CDC42SE2: variants seen among roughly 807,000 people sequenced by gnomAD.
CDC42SE2 encodes CDC42 small effector 2.
In CDC42SE2, 3 loss-of-function variants were observed where a neutral mutation model predicts 11.5. That is an observed-to-expected ratio of 0.26 (90% CI 0.12 to 0.67). The LOEUF (loss-of-function observed/expected upper bound fraction) is 0.67, where lower values mean the gene tolerates loss of function less well. Ranked by LOEUF, CDC42SE2 falls within the 30% of genes least tolerant of loss-of-function variation. CDC42SE2 has a pLI of 0.80. For missense variants in CDC42SE2, 82 were observed against 106.8 expected, an observed-to-expected ratio of 0.77 and a Z score of 1.02; for synonymous variants, 33 against 34.8, an observed-to-expected ratio of 0.95 and a Z score of 0.18.
chr5:131,318,139 A>G (rs1213423526), intron 2 of CDC42SE2, among the ~76,000 whole-genome samples: 1 of 151,908 alleles, frequency 6.6e-6, no homozygotes, highest in African/African-American at 2.4e-5. Flanking sequence ...GGGTTTCACC[A>G]TGTTGTCCAG....
At chr5:131,270,009 TG>T (rs921817408) in intron 1 of CDC42SE2, among the ~76,000 whole-genome samples, 3 of 151,602 alleles carry the variant, frequency 2.0e-5, no homozygotes, top group African/African-American at 7.3e-5. Flanking sequence ...TGCAGTGAGC[TG>T]GGATGGCACC....
chr5:131,300,879 A>T (rs556990474), intron 1 of CDC42SE2, among the ~76,000 whole-genome samples: 1 of 152,332 alleles, frequency 6.6e-6, no homozygotes, highest in Admixed American at 6.5e-5. Context: ...TAATGTGCAT[A>T]TTGCATAATA....
chr5:131,263,073 T>C (rs1165468683), upstream of CDC42SE2, among the ~76,000 whole-genome samples: 1 of 151,128 alleles, frequency 6.6e-6, no homozygotes, highest in African/African-American at 2.4e-5. Flanking sequence ...CCTGGAACTA[T>C]AGGTACACGC....
rs1750785938 is a variant in CDC42SE2 at position 131,394,314 on chromosome 5, G to A, written c.*3223G>A. On this transcript the variant is annotated 3_prime_UTR_variant, in exon 5 of 5. Transcript: ENST00000505065. Reference sequence around the variant, plus strand: ...TGTAAAAGAGGTACTTTCCCATGATGTAGGCATGAAGTGGTGCCAGTAAGC... The same window carrying A: ...TGTAAAAGAGGTACTTTCCCATGATATAGGCATGAAGTGGTGCCAGTAAGC... The A allele has an allele frequency of 6.6e-6, 1 of 152,332 alleles. No homozygotes were observed. Among genetic ancestry groups the A allele is most frequent in the Non-Finnish European group, 1.5e-5 (1 of 68,032 alleles). 9.4% of individuals were successfully genotyped at this position (152,332 alleles called of 1,614,324 possible).
intron 1 of CDC42SE2, among the ~76,000 whole-genome samples, chr5:131,287,135 T>C (rs1192826061): frequency 6.6e-6 from 1 of 152,050 alleles, no homozygotes; most frequent in Admixed American, 6.6e-5. Flanking sequence ...GCTGGGATTA[T>C]AGGGGCCCGC....
chr5:131,350,075 T>C (rs1357559849), intron 2 of CDC42SE2, among the ~76,000 whole-genome samples: 1 of 152,088 alleles, frequency 6.6e-6, no homozygotes, highest in Non-Finnish European at 1.5e-5. Context: ...AAAGTAGATA[T>C]ATTTAAAAAA....
At chr5:131,310,287 T>C (rs1757875786) in intron 1 of CDC42SE2, among the ~76,000 whole-genome samples, 1 of 151,926 alleles carries the variant, frequency 6.6e-6, no homozygotes, top group Admixed American at 6.6e-5. Context: ...TGAGTTCTAG[T>C]TTGATTGCAC....
intron 2 of CDC42SE2, among the ~76,000 whole-genome samples, chr5:131,356,746 A>T (rs1000138463): frequency 4.6e-5 from 7 of 152,122 alleles, no homozygotes; most frequent in African/African-American, 1.7e-4. Flanking sequence ...CTGTCTCTAC[A>T]CAAAATAAAA....
At chr5:131,245,350 AC>A (rs1463519600), upstream of CDC42SE2, 2 of 152,256 alleles carry the variant, frequency 1.3e-5, no homozygotes, top group East Asian at 3.9e-4. Flanking sequence ...ATTCAATGTA[AC>A]CCTTGTTGGT....
chr5:131,299,756 G>A (rs1411648281), intron 1 of CDC42SE2, among the ~76,000 whole-genome samples: 3 of 152,182 alleles, frequency 2.0e-5, no homozygotes, highest in Non-Finnish European at 2.9e-5. Context: ...ACTCAGGGGA[G>A]TGATTGAAAT....
chr5:131,283,040 G>A (rs1389885742), intron 1 of CDC42SE2, among the ~76,000 whole-genome samples: 1 of 151,196 alleles, frequency 6.6e-6, no homozygotes, highest in Non-Finnish European at 1.5e-5. Context: ...CGATTCTCCT[G>A]CCTCAGCCTC....
intron 2 of CDC42SE2, among the ~76,000 whole-genome samples, chr5:131,348,329 C>T (rs915061178): frequency 1.3e-5 from 2 of 152,180 alleles, no homozygotes; most frequent in African/African-American, 2.4e-5. Flanking sequence ...GCAAAAATCA[C>T]AAGCATTCTT....
the CDC42SE2 span, among the ~76,000 whole-genome samples, chr5:131,238,458 G>A: frequency 6.8e-6 from 1 of 148,068 alleles, no homozygotes; most frequent in Admixed American, 6.8e-5. Flanking sequence ...AGCCAAGATC[G>A]TGCCACTGCA....
chr5:131,381,317 T>C (rs1263464155), intron 3 of CDC42SE2, among the ~76,000 whole-genome samples: 1 of 115,510 alleles, frequency 8.7e-6, no homozygotes, highest in Non-Finnish European at 1.6e-5. Flanking sequence ...GTGCTGTTTT[T>C]TTTTGTTTTT....
At chr5:131,279,992 A>G (rs1433192172) in intron 1 of CDC42SE2, among the ~76,000 whole-genome samples, 2 of 152,176 alleles carry the variant, frequency 1.3e-5, no homozygotes, top group African/African-American at 4.8e-5. Flanking sequence ...GCTTGAGCCT[A>G]GGATGTCAAG....
At chr5:131,297,879 A>C (rs1023530597) in intron 1 of CDC42SE2, among the ~76,000 whole-genome samples, 2 of 152,102 alleles carry the variant, frequency 1.3e-5, no homozygotes, top group African/African-American at 4.8e-5. Context: ...ACACAGGGTC[A>C]AATAAAAACT....
At chr5:131,230,636 A>T in the CDC42SE2 span, among the ~76,000 whole-genome samples, 1 of 152,220 alleles carries the variant, frequency 6.6e-6, no homozygotes, top group Non-Finnish European at 1.5e-5. Context: ...CAGCAAGGGA[A>T]CATGGGAAAT....
chr5:131,368,781 T>C (rs1274469493), intron 3 of CDC42SE2, among the ~76,000 whole-genome samples: 2 of 152,208 alleles, frequency 1.3e-5, no homozygotes, highest in Non-Finnish European at 2.9e-5. Flanking sequence ...TCTATTATTT[T>C]GAAGCCAAAT....
At chr5:131,242,689 A>G (rs1756549467), upstream of CDC42SE2, among the ~76,000 whole-genome samples, 1 of 152,182 alleles carries the variant, frequency 6.6e-6, no homozygotes, top group Admixed American at 6.5e-5. Context: ...TTTTTAACGT[A>G]ACCAAAAATT....
Sources: allele counts gnomAD v4.1 joint callset (sites outside exome capture counted in the v4.1 genomes callset), GRCh38; gene constraint gnomAD v4.1.1; transcripts MANE v1.5; gene names NCBI Gene and HGNC (gene_info 2026-07-23, HGNC 2026-07-21).